The following ELP4 variants were observed in gnomAD, a reference collection of about 807,000 sequenced individuals.
ELP4 encodes the protein elongator complex protein 4.
Under a neutral mutation model 48.9 loss-of-function variants are expected in ELP4, and 51 were observed. The observed-to-expected ratio is 1.04, with a 90% confidence interval of 0.83 to 1.32. ELP4 has a LOEUF of 1.32. Ranked by LOEUF, ELP4 falls within the 40% of genes most tolerant of loss-of-function variation. ELP4 has a pLI of 0.00. For missense variants in ELP4, 519 were observed against 514.6 expected, an observed-to-expected ratio of 1.01 and a Z score of -0.08; for synonymous variants, 210 against 189.2, an observed-to-expected ratio of 1.11 and a Z score of -0.90.
chr11:31,516,664 G>C (rs1490563559), intron 1 of ELP4, among the ~76,000 whole-genome samples: 1 of 152,072 alleles, frequency 6.6e-6, no homozygotes, highest in Non-Finnish European at 1.5e-5. Flanking sequence ...GCTAATTTTT[G>C]TATTTTTTGT....
intron 9 of ELP4, chr11:31,663,177 ACCATTTATGG>A (rs895296016): frequency 1.3e-5 from 2 of 151,974 alleles, no homozygotes; most frequent in Non-Finnish European, 2.9e-5. Context: ...TATAAATTTA[ACCATTTATGG>A]TGTTTATTGT....
chr11:31,701,157 T>TCA (rs1946514615), intron 9 of ELP4, among the ~76,000 whole-genome samples: 1 of 152,202 alleles, frequency 6.6e-6, no homozygotes, highest in Non-Finnish European at 1.5e-5. Flanking sequence ...CTGTATTTGC[T>TCA]CATACCATTT....
chr11:31,730,458 AT>A (rs1333101172), intron 9 of ELP4, among the ~76,000 whole-genome samples: 1 of 152,122 alleles, frequency 6.6e-6, no homozygotes, highest in Non-Finnish European at 1.5e-5. Context: ...TGGGGATTAC[AT>A]TTTAACATGA....
intron 6 of ELP4, 133 bp from the exon 7 acceptor site, chr11:31,632,084 G>A (rs1944872275): frequency 3.2e-6 from 2 of 620,370 alleles, no homozygotes; most frequent in South Asian, 4.8e-5. Flanking sequence ...TGTACTAATA[G>A]TACATAAAAA....
At chr11:31,666,517 C>A (rs1173565763) in intron 9 of ELP4, among the ~76,000 whole-genome samples, 2 of 151,798 alleles carry the variant, frequency 1.3e-5, no homozygotes, top group Non-Finnish European at 2.9e-5. Flanking sequence ...CATGGTGAAA[C>A]CCTGTCTCTA....
chr11:31,531,322 T>C (rs921027948), intron 2 of ELP4, among the ~76,000 whole-genome samples: 3 of 152,254 alleles, frequency 2.0e-5, no homozygotes, highest in Non-Finnish European at 4.4e-5. Flanking sequence ...ATTAAGTATA[T>C]GTATACTATG....
intron 5 of ELP4, among the ~76,000 whole-genome samples, chr11:31,616,631 GGC>G (rs574734229): frequency 7.2e-4 from 109 of 152,112 alleles, no homozygotes; most frequent in Non-Finnish European, 1.2e-3. Flanking sequence ...ACAGTGAAAA[GGC>G]AACGTAAGAA....
chr11:31,783,191 G>C (rs142448763), intron 9 of ELP4, among the ~76,000 whole-genome samples: 77 of 152,300 alleles, frequency 5.1e-4, no homozygotes, highest in African/African-American at 1.8e-3. Flanking sequence ...TGTGATGGCT[G>C]TAATTTGTAA....
At chr11:31,550,076 G>A (rs1477610397) in intron 3 of ELP4, among the ~76,000 whole-genome samples, 3 of 151,832 alleles carry the variant, frequency 2.0e-5, no homozygotes, top group African/African-American at 4.8e-5. Context: ...CATGTCACAT[G>A]TATACATATG....
At chr11:31,676,118 C>T in intron 9 of ELP4, among the ~76,000 whole-genome samples, 1 of 151,866 alleles carries the variant, frequency 6.6e-6, no homozygotes, top group Non-Finnish European at 1.5e-5. Flanking sequence ...ATCTTTTATT[C>T]CTCTCCCACC....
chr11:31,526,001 A>C (rs1956288939), intron 2 of ELP4, among the ~76,000 whole-genome samples: 1 of 152,138 alleles, frequency 6.6e-6, no homozygotes. Context: ...TATTTCATGT[A>C]AAATAAACTC....
Position 31,588,484 on chromosome 11 carries a change from C to A in ELP4, c.382-6286C>A, listed in dbSNP as rs796308269. Among the ~76,000 whole-genome samples the A allele has an allele frequency of 2.0e-5, 3 of 152,252 alleles. No homozygotes were observed. The South Asian group carries it at 6.2e-4, about 32-fold the overall frequency. On this transcript the variant is annotated intron_variant, in intron 3 of 9. Transcript: ENST00000640961. ...TATTTTTAGATGTTTCATTTGTTTG[C>A]TTGCCGGTATAATGGGTGGGAAATA...
In ELP4 at chr11:31,657,369, G is replaced by A. The variant is rs369724961; in HGVS notation, c.1143+7148G>A. On this transcript the variant is annotated intron_variant, in intron 9 of 9. Transcript: ENST00000640961. ...AGTTACTCACCCTCATGTACTGTTCGAATTCTCAGTGTAATGTATTTTATA... is the reference window on the plus strand; with the variant it reads ...AGTTACTCACCCTCATGTACTGTTCAAATTCTCAGTGTAATGTATTTTATA... 1.5e-3 allele frequency among the ~76,000 whole-genome samples: 226 copies of A among 152,004 alleles called. 8 individuals carry two copies. In the South Asian group the frequency reaches 0.043, roughly 29 times the overall value.
chr11:31,522,419 C>A (rs1419466341), intron 2 of ELP4, among the ~76,000 whole-genome samples: 1 of 152,132 alleles, frequency 6.6e-6, no homozygotes, highest in African/African-American at 2.4e-5. Context: ...TCACACCTTG[C>A]TTTATCTATT....
intron 9 of ELP4, chr11:31,689,305 G>C (rs1296126825): frequency 6.6e-6 from 1 of 152,026 alleles, no homozygotes; most frequent in Non-Finnish European, 1.5e-5. Flanking sequence ...AGCCAGGTAT[G>C]GTGGTGCACG....
chr11:31,707,747 C>T (rs1946663213), intron 9 of ELP4, among the ~76,000 whole-genome samples: 2 of 152,166 alleles, frequency 1.3e-5, no homozygotes, highest in Admixed American at 1.3e-4. Flanking sequence ...ATACTGGTTC[C>T]TTCTGGAAGC....
intron 9 of ELP4, among the ~76,000 whole-genome samples, chr11:31,685,262 A>T (rs1352503949): frequency 6.6e-6 from 1 of 152,120 alleles, no homozygotes; most frequent in East Asian, 1.9e-4. Flanking sequence ...GAGGCAAGGG[A>T]ATCGCTTGAA....
chr11:31,692,158 T>G (rs1222457509), intron 9 of ELP4, among the ~76,000 whole-genome samples: 3 of 152,158 alleles, frequency 2.0e-5, no homozygotes, highest in Non-Finnish European at 4.4e-5. Context: ...TTGGAAAATT[T>G]CTAAACTAAC....
At chr11:31,766,029 A>G in intron 9 of ELP4, among the ~76,000 whole-genome samples, 1 of 152,086 alleles carries the variant, frequency 6.6e-6, no homozygotes, top group Non-Finnish European at 1.5e-5. Context: ...AGAGTAGTTT[A>G]TAAACTGTGA....
Sources: gnomAD v4.1 joint callset for allele counts (sites outside exome capture counted in the v4.1 genomes callset) on GRCh38, gnomAD v4.1.1 for gene constraint, MANE v1.5 for transcripts, NCBI Gene and HGNC (gene_info 2026-07-23, HGNC 2026-07-21) for gene names.